Variants in MACROD2 observed in about 807,000 individuals in gnomAD.
The protein encoded by MACROD2 is mono-ADP ribosylhydrolase 2, also known as ADP-ribose glycohydrolase MACROD2.
A neutral mutation model predicts 70.4 loss-of-function variants in MACROD2; 36 were observed. The ratio of observed to expected loss-of-function variants is 0.51; its 90% CI spans 0.39 to 0.68. The LOEUF (loss-of-function observed/expected upper bound fraction) is 0.68. MACROD2 is among the 30% of genes least tolerant of loss of function. The pLI is 0.00. For missense variants in MACROD2, 496 were observed against 538.4 expected, an observed-to-expected ratio of 0.92 and a Z score of 0.78; for synonymous variants, 172 against 178.8, an observed-to-expected ratio of 0.96 and a Z score of 0.30.
intron 8 of MACROD2, among the ~76,000 whole-genome samples, chr20:15,537,595 T>A (rs2047894487): frequency 6.6e-6 from 1 of 150,414 alleles, no homozygotes; most frequent in South Asian, 2.1e-4. Context: ...TGCCTCAGTC[T>A]CCCAAATAGC....
At chr20:14,040,969 T>C (rs531081942) in intron 2 of MACROD2, among the ~76,000 whole-genome samples, 1 of 152,190 alleles carries the variant, frequency 6.6e-6, no homozygotes, top group African/African-American at 2.4e-5. Context: ...GAGTATACTT[T>C]GTTCTTTTGG....
chr20:15,711,167 G>A (rs1442052682), intron 8 of MACROD2, among the ~76,000 whole-genome samples: 1 of 152,186 alleles, frequency 6.6e-6, no homozygotes, highest in Non-Finnish European at 1.5e-5. Flanking sequence ...TTTCAAGGGA[G>A]AATGTGTATA....
At chr20:15,316,333 C>A (rs1291160347) in intron 6 of MACROD2, among the ~76,000 whole-genome samples, 1 of 145,274 alleles carries the variant, frequency 6.9e-6, no homozygotes, top group Non-Finnish European at 1.5e-5. Flanking sequence ...AATGTGGGTT[C>A]AAAGCAAAAA....
chr20:14,585,198 G>A (rs536853089), intron 4 of MACROD2, among the ~76,000 whole-genome samples: 6 of 152,282 alleles, frequency 3.9e-5, no homozygotes, highest in South Asian at 2.1e-4. Flanking sequence ...GCGGAACAGC[G>A]TAATTGGAAG....
At chr20:15,279,112 C>G (rs906078846) in intron 6 of MACROD2, among the ~76,000 whole-genome samples, 4 of 152,122 alleles carry the variant, frequency 2.6e-5, no homozygotes, top group African/African-American at 9.7e-5. Context: ...TTAGTGGAAA[C>G]TTGAAGGTAC....
rs551476036 is a variant in MACROD2, at chr20:15,830,121, A to G, written c.646-32624A>G. Reference sequence around the variant, plus strand: ...AAGTGCAAGTGGTGGGCAGCCATATATGTGTTGTGGGACCCATTGCCACAG... The same window carrying G: ...AAGTGCAAGTGGTGGGCAGCCATATGTGTGTTGTGGGACCCATTGCCACAG... On this transcript the variant is annotated intron_variant, in intron 8 of 17. Coordinates refer to ENST00000684519, the MANE Select transcript of MACROD2 (RefSeq NM_001351661.2). 1.3e-4 allele frequency among the ~76,000 whole-genome samples: 20 copies of G among 152,306 alleles called. No homozygotes were observed. The East Asian group carries it at 1.7e-3, about 13-fold the overall frequency.
chr20:15,148,070 AAAAAT>A (rs1219846469), intron 5 of MACROD2, among the ~76,000 whole-genome samples: 1 of 152,012 alleles, frequency 6.6e-6, no homozygotes, highest in African/African-American at 2.4e-5. Flanking sequence ...TATTAATAAG[AAAAAT>A]AAAATGAAAT....
chr20:15,977,213 A>G (rs1461805457), intron 13 of MACROD2, among the ~76,000 whole-genome samples: 11 of 152,204 alleles, frequency 7.2e-5, no homozygotes, highest in African/African-American at 9.7e-5. Flanking sequence ...CCAGTTCCCT[A>G]TAGCAACAGT....
chr20:14,732,366 C>T (rs2071609406), intron 5 of MACROD2, among the ~76,000 whole-genome samples: 1 of 151,960 alleles, frequency 6.6e-6, no homozygotes, highest in African/African-American at 2.4e-5. Flanking sequence ...AAATTAGAAC[C>T]CCAAATGTTT....
chr20:14,372,655 C>T lies in MACROD2; in HGVS notation c.272-120824C>T, dbSNP rs866914051. ...TTACCCCCAGCTCTCAGCCTTCCAT[C>T]TCCCCATTCCTTTATTTCTTAGTTA... is the stretch of plus-strand genomic sequence containing the variant. On this transcript the variant is annotated intron_variant, in intron 3 of 17. Coordinates refer to ENST00000684519, the MANE Select transcript of MACROD2 (RefSeq NM_001351661.2). Among the ~76,000 whole-genome samples the T allele has an allele frequency of 2.6e-4, 39 of 152,300 alleles. No individual in the cohort carries two copies. The Middle Eastern group carries it at 0.014, about 53-fold the overall frequency.
At chr20:15,574,059 G>A (rs1436992232) in intron 8 of MACROD2, among the ~76,000 whole-genome samples, 9 of 152,038 alleles carry the variant, frequency 5.9e-5, no homozygotes, top group South Asian at 2.1e-4. Flanking sequence ...CTTTTTCTGC[G>A]GGTGCTTTTG....
intron 3 of MACROD2, among the ~76,000 whole-genome samples, chr20:14,170,327 C>A (rs931025595): frequency 6.6e-6 from 1 of 152,130 alleles, no homozygotes; most frequent in Non-Finnish European, 1.5e-5. Flanking sequence ...TGATTTAGAT[C>A]CCCTTTATTT....
At chr20:14,483,856 G>A (rs2084690942) in intron 3 of MACROD2, among the ~76,000 whole-genome samples, 1 of 152,122 alleles carries the variant, frequency 6.6e-6, no homozygotes, top group South Asian at 2.1e-4. Context: ...CATGCTTTGT[G>A]TCTAACAAAC....
chr20:15,302,156 A>G (rs4814354), intron 6 of MACROD2, among the ~76,000 whole-genome samples: 184 of 152,232 alleles, frequency 1.2e-3, no homozygotes, highest in Admixed American at 0.011. Flanking sequence ...TCCCAAAGGG[A>G]ACATGTGGCG....
intron 5 of MACROD2, among the ~76,000 whole-genome samples, chr20:14,881,239 G>C (rs1346998617): frequency 6.6e-6 from 1 of 150,726 alleles, no homozygotes; most frequent in Non-Finnish European, 1.5e-5. Context: ...GAGCCAGTCA[G>C]CCTGGGTTCT....
At chr20:14,214,112 A>G (rs987706553) in intron 3 of MACROD2, among the ~76,000 whole-genome samples, 6 of 152,172 alleles carry the variant, frequency 3.9e-5, no homozygotes, top group Non-Finnish European at 8.8e-5. Context: ...AATAGTTAAT[A>G]ATTGAAGCAT....
At chr20:14,838,282 A>T (rs780476706) in intron 5 of MACROD2, among the ~76,000 whole-genome samples, 1 of 152,142 alleles carries the variant, frequency 6.6e-6, no homozygotes, top group African/African-American at 2.4e-5. Context: ...ATAGTATAAA[A>T]TTCTTTTACA....
chr20:14,423,755 A>ATTTTTTTTTTTTTTTTTTTTTT, intron 3 of MACROD2, among the ~76,000 whole-genome samples: 1 of 63,088 alleles, frequency 1.6e-5, no homozygotes, highest in Non-Finnish European at 2.8e-5. Flanking sequence ...GACATCTTAA[A>ATTTTTTTTTTTTTTTTTTTTTT]TTTTTTTTTT....
intron 8 of MACROD2, among the ~76,000 whole-genome samples, chr20:15,605,101 C>T (rs1035652640): frequency 6.6e-5 from 10 of 151,976 alleles, no homozygotes; most frequent in African/African-American, 2.2e-4. Context: ...ATGATTTTTT[C>T]CTCACACTAA....
Sources: gnomAD v4.1 joint callset for allele counts (sites outside exome capture counted in the v4.1 genomes callset) on GRCh38, gnomAD v4.1.1 for gene constraint, MANE v1.5 for transcripts, NCBI Gene and HGNC (gene_info 2026-07-23, HGNC 2026-07-21) for gene names.